The following MACROD1 variants were observed in gnomAD, a reference collection of about 807,000 sequenced individuals.
MACROD1 encodes ADP-ribose glycohydrolase MACROD1.
A neutral mutation model predicts 41.4 loss-of-function variants in MACROD1; 31 were observed. The ratio of observed to expected loss-of-function variants is 0.75; its 90% CI spans 0.56 to 1.01. The LOEUF is 1.01. Among genes scored for constraint, MACROD1 ranks in the 50% least tolerant of loss-of-function variants. The probability of loss-of-function intolerance (pLI) is 0.00; values close to 1 mark genes in which losing one functional copy is unlikely to be tolerated. For missense variants in MACROD1, 473 were observed against 460.0 expected (o/e 1.03, Z -0.26); for synonymous variants, 252 against 203.4 (o/e 1.24, Z -2.03).
chr11:64,108,314 A>AC (rs1416681335), intron 3 of MACROD1, among the ~76,000 whole-genome samples: 2 of 132,298 alleles, frequency 1.5e-5, no homozygotes, highest in East Asian at 4.2e-4. Context: ...ACTCTGTCTC[A>AC]AAAAAAAAAA....
intron 3 of MACROD1, among the ~76,000 whole-genome samples, chr11:64,089,833 C>T (rs912674020): frequency 1.3e-5 from 2 of 152,140 alleles, no homozygotes; most frequent in Non-Finnish European, 2.9e-5. Context: ...AGGTGTCCTG[C>T]CCCCAGGGAA....
At chr11:64,085,630 C>T (rs952150406) in intron 3 of MACROD1, among the ~76,000 whole-genome samples, 1 of 152,226 alleles carries the variant, frequency 6.6e-6, no homozygotes, top group African/African-American at 2.4e-5. Context: ...TTCCTCTGCC[C>T]CACATGGCTG....
intron 3 of MACROD1, among the ~76,000 whole-genome samples, chr11:64,134,977 C>T (rs998239693): frequency 6.6e-6 from 1 of 152,198 alleles, no homozygotes; most frequent in African/African-American, 2.4e-5. Context: ...GCTGGGTGCT[C>T]CCGCTGAATC....
At chr11:63,999,977 C>G (rs1269062623) in intron 5 of MACROD1, 5 of 663,504 alleles carry the variant, frequency 7.5e-6, no homozygotes, top group Non-Finnish European at 1.0e-5. Flanking sequence ...TGTATGGGCC[C>G]GGCTGAGACC....
intron 1 of MACROD1, among the ~76,000 whole-genome samples, chr11:64,159,250 C>T (rs1241245809): frequency 6.8e-6 from 1 of 146,310 alleles, no homozygotes; most frequent in Non-Finnish European, 1.5e-5. Context: ...ACCCAGAAGG[C>T]GGAGGTTGCA....
At chr11:64,039,976 T>TC (rs1943454282) in intron 3 of MACROD1, among the ~76,000 whole-genome samples, 1 of 152,240 alleles carries the variant, frequency 6.6e-6, no homozygotes, top group South Asian at 2.1e-4. Context: ...CACGCCTGGC[T>TC]CCCTGGCTCT....
At chr11:63,999,150 G>T in intron 8 of MACROD1, 114 bp from the exon 9 acceptor site, 4 of 1,317,352 alleles carry the variant, frequency 3.0e-6, no homozygotes, top group Non-Finnish European at 4.1e-6. Context: ...CTTCACGGAG[G>T]CTCACGGCTG....
At chr11:64,152,246 C>T (rs1186640527) in intron 2 of MACROD1, 46 bp downstream of exon 2, 30 of 1,548,592 alleles carry the variant, frequency 1.9e-5, no homozygotes, top group East Asian at 4.5e-5. Context: ...TCCCAAGCCA[C>T]GGGTCTGGAG....
chr11:64,157,432 TAAG>T (rs1293237889), intron 1 of MACROD1, among the ~76,000 whole-genome samples: 2 of 152,172 alleles, frequency 1.3e-5, no homozygotes, highest in African/African-American at 4.8e-5. Flanking sequence ...CCTCCTCCTG[TAAG>T]AAGGACAAAT....
intron 3 of MACROD1, among the ~76,000 whole-genome samples, chr11:64,133,939 G>A (rs1048159535): frequency 8.5e-5 from 13 of 152,232 alleles, no homozygotes; most frequent in Non-Finnish European, 1.9e-4. Flanking sequence ...GAGGACGGTC[G>A]GAGTCAGCCA....
Position 64,134,421 on chromosome 11 carries a change from A to C in MACROD1, c.517+16818T>G, listed in dbSNP as rs56361566. 5.3e-3 allele frequency among the ~76,000 whole-genome samples: 806 copies of C among 152,298 alleles called. 2 individuals carry two copies. Among genetic ancestry groups the C allele is most frequent in the Non-Finnish European group, 8.8e-3 (601 of 68,018 alleles). Reference sequence around the variant, plus strand: ...AGGAAGCGTGAGGACCCCAAGGGCAAGGGAGCTGGTGGGGGTAGGGGTGAG... The same window carrying C: ...AGGAAGCGTGAGGACCCCAAGGGCACGGGAGCTGGTGGGGGTAGGGGTGAG... On this transcript the variant is annotated intron_variant, in intron 3 of 10. Coordinates refer to ENST00000255681, the MANE Select transcript of MACROD1 (RefSeq NM_014067.4).
chr11:64,130,014 C>A (rs1299212938), intron 3 of MACROD1, among the ~76,000 whole-genome samples: 1 of 152,158 alleles, frequency 6.6e-6, no homozygotes, highest in African/African-American at 2.4e-5. Context: ...TGCAGGGGAC[C>A]TGCTGGCCCC....
intron 4 of MACROD1, among the ~76,000 whole-genome samples, chr11:64,004,822 G>C (rs1942883604): frequency 1.3e-5 from 2 of 152,058 alleles, no homozygotes; most frequent in Admixed American, 1.3e-4. Flanking sequence ...GGCTGAGGTG[G>C]GAGGGTCACT....
At chr11:64,114,356 G>GTGGACAGATGGATGGATGC (rs1944930330) in intron 3 of MACROD1, among the ~76,000 whole-genome samples, 2 of 110,610 alleles carry the variant, frequency 1.8e-5, no homozygotes, top group Non-Finnish European at 4.5e-5. Flanking sequence ...TGGATGGATG[G>GTGGACAGATGGATGGATGC]ATGGACAGGT....
chr11:64,038,609 C>G (rs1943427346), intron 3 of MACROD1, among the ~76,000 whole-genome samples: 5 of 152,164 alleles, frequency 3.3e-5, no homozygotes, highest in Admixed American at 3.3e-4. Context: ...TCTGCCCAGT[C>G]ATGGGGCTAG....
chr11:64,050,627 G>A (rs1943675405), intron 3 of MACROD1, among the ~76,000 whole-genome samples: 1 of 152,218 alleles, frequency 6.6e-6, no homozygotes, highest in Non-Finnish European at 1.5e-5. Flanking sequence ...ACCCAGCAGT[G>A]ACCATGGCCC....
In MACROD1 at chr11:64,096,766, C is replaced by T. The variant is rs1358380356; in HGVS notation, c.517+54473G>A. 9.9e-5 allele frequency among the ~76,000 whole-genome samples: 15 copies of T among 152,184 alleles called. No homozygotes were observed. Among genetic ancestry groups the T allele is most frequent in the Admixed American group, 9.2e-4 (14 of 15,280 alleles). On this transcript the variant is annotated intron_variant, in intron 3 of 10. Coordinates refer to ENST00000255681, the MANE Select transcript of MACROD1 (RefSeq NM_014067.4). This position sits in a 1 kb window ranked among gnomAD's most constrained non-coding sequence, Gnocchi z 4.6. ...TGCTCTGTGAAGGGGCAGGCTCTGG[C>T]CGCAGTGCCCCTCCCTGAGGGGAAG... is the stretch of plus-strand genomic sequence containing the variant.
chr11:64,099,292 G>A (rs748151665), intron 3 of MACROD1, among the ~76,000 whole-genome samples: 7 of 152,272 alleles, frequency 4.6e-5, no homozygotes, highest in Non-Finnish European at 1.0e-4. Flanking sequence ...GTCTCACATT[G>A]TAGCCCTCTG....
At chr11:64,100,092 G>C (rs1410208487) in intron 3 of MACROD1, among the ~76,000 whole-genome samples, 1 of 152,160 alleles carries the variant, frequency 6.6e-6, no homozygotes, top group Non-Finnish European at 1.5e-5. Context: ...CACAAGTCCT[G>C]CTCCCTCTTC....
Sources: gnomAD v4.1 joint callset for allele counts (sites outside exome capture counted in the v4.1 genomes callset) on GRCh38, gnomAD v4.1.1 for gene constraint, Gnocchi (gnomAD v3.1) non-coding constraint, MANE v1.5 for transcripts, NCBI Gene and HGNC (gene_info 2026-07-23, HGNC 2026-07-21) for gene names.